ACSL3: variants seen among roughly 807,000 people sequenced by gnomAD.
The protein encoded by ACSL3 is acyl-CoA synthetase long chain family member 3.
A neutral mutation model predicts 84.7 loss-of-function variants in ACSL3; 34 were observed. That is an observed-to-expected ratio of 0.40 (90% CI 0.31 to 0.53). ACSL3 has a LOEUF of 0.53. Among genes scored for constraint, ACSL3 ranks in the 20% least tolerant of loss-of-function variants. The pLI, the probability that ACSL3 is intolerant of heterozygous loss-of-function variation, is 0.48. For synonymous variants in ACSL3, 315 were observed against 299.4 expected, an observed-to-expected ratio of 1.05 and a Z score of -0.54; for missense variants, 680 against 873.1, an observed-to-expected ratio of 0.78 and a Z score of 2.79.
Position 222,876,413 on chromosome 2 carries a change from C to T in ACSL3, c.-206-11417C>T, listed in dbSNP as rs117298234. Reference sequence around the variant, plus strand: ...CATGGCTCACTGCAGCCTCAACTTCCCCAGCTCAAGTGATCCTCCTACCTC... The same window carrying T: ...CATGGCTCACTGCAGCCTCAACTTCTCCAGCTCAAGTGATCCTCCTACCTC... On this transcript the variant is annotated intron_variant, in intron 1 of 16. Coordinates refer to ENST00000357430, the MANE Select transcript of ACSL3 (RefSeq NM_004457.5). 2.8e-3 allele frequency among the ~76,000 whole-genome samples: 423 copies of T among 152,206 alleles called. 15 individuals carry two copies. In the East Asian group the frequency reaches 0.072, roughly 26 times the overall value.
In ACSL3 at chr2:222,865,571, G is replaced by T. The variant is rs551971265; in HGVS notation, c.-207+4313G>T. On this transcript the variant is annotated intron_variant, in intron 1 of 16. Transcript: ENST00000357430. ...CAAATTACAGCATGGTGGAACAGAA[G>T]AAGGTATATGAGCAAATATATTACA... Among the ~76,000 whole-genome samples the T allele has an allele frequency of 2.0e-3, 298 of 152,332 alleles. 1 individual carries two copies. The highest frequency in any genetic ancestry group is 6.8e-3 in the African/African-American group (283 of 41,570).
rs1228158288 is a variant in ACSL3, at chr2:222,940,655, A to G, written c.2006-842A>G. Among the ~76,000 whole-genome samples the G allele has an allele frequency of 2.6e-5, 4 of 152,288 alleles. No individual in the cohort carries two copies. In the East Asian group the frequency reaches 7.7e-4, roughly 29 times the overall value. ...CACAAATACTTAACTATTGTGTTAC[A>G]ATTACCTATGGTATTCAGTACAATA... On this transcript the variant is annotated intron_variant, in intron 16 of 16. Transcript: ENST00000357430.
intron 1 of ACSL3, among the ~76,000 whole-genome samples, chr2:222,875,241 A>G (rs112539457): frequency 1.6e-4 from 24 of 151,620 alleles, no homozygotes; most frequent in African/African-American, 5.8e-4. Context: ...TGTCTCTCAA[A>G]GTTTTTATCA....
At chr2:222,929,915 G>A (rs1193362343) in intron 13 of ACSL3, among the ~76,000 whole-genome samples, 2 of 143,522 alleles carry the variant, frequency 1.4e-5, no homozygotes, top group Non-Finnish European at 3.0e-5. Context: ...TTAATATGTA[G>A]TAACTCACTT....
At chr2:222,907,327 G>A (rs1270641800) in intron 3 of ACSL3, among the ~76,000 whole-genome samples, 1 of 152,186 alleles carries the variant, frequency 6.6e-6, no homozygotes, top group African/African-American at 2.4e-5. Context: ...ACACTTGCCT[G>A]GAATAGAATT....
At chr2:222,924,666 CAATT>C in intron 11 of ACSL3, 71 bp downstream of exon 11, 1 of 1,344,406 alleles carries the variant, frequency 7.4e-7, no homozygotes, top group South Asian at 1.4e-5. Flanking sequence ...ATTAATAGCC[CAATT>C]AATTGAGATA....
At chr2:222,893,956 T>C (rs1242001378) in intron 2 of ACSL3, among the ~76,000 whole-genome samples, 1 of 152,114 alleles carries the variant, frequency 6.6e-6, no homozygotes, top group Admixed American at 6.6e-5. Context: ...TCAGCCTCCA[T>C]TGTAGCTGGG....
intron 14 of ACSL3, 150 bp downstream of exon 14, chr2:222,930,962 C>T (rs562282924): frequency 7.1e-5 from 47 of 666,552 alleles, no homozygotes; most frequent in African/African-American, 2.7e-4. Flanking sequence ...TAAAATATTA[C>T]GGACTGTGGA....
chr2:222,876,302 G>GT lies in ACSL3; in HGVS notation c.-206-11520dup, dbSNP rs543497576. ...AGCAAGAGCTAGTTATTGCTTTATG[G>GT]TTTTTTTTGTTGTTGTTGTTTGTTT... On this transcript the variant is annotated intron_variant, in intron 1 of 16. Coordinates refer to ENST00000357430, the MANE Select transcript of ACSL3 (RefSeq NM_004457.5). Among the ~76,000 whole-genome samples the GT allele has an allele frequency of 7.2e-3, 1,099 of 151,762 alleles. 10 individuals are homozygous for GT. Among genetic ancestry groups the GT allele is most frequent in the African/African-American group, 0.025 (1,054 of 41,410 alleles).
chr2:222,867,677 A>G (rs1197099185), intron 1 of ACSL3, among the ~76,000 whole-genome samples: 17 of 152,136 alleles, frequency 1.1e-4, no homozygotes, highest in Admixed American at 1.3e-4. Context: ...TCTATACCAT[A>G]TTTATTTCCC....
chr2:222,916,042 C>T (rs534117535), intron 4 of ACSL3, among the ~76,000 whole-genome samples: 5 of 152,120 alleles, frequency 3.3e-5, no homozygotes, highest in Admixed American at 6.5e-5. Flanking sequence ...TTGACCTTTA[C>T]GAGCCTATCA....
chr2:222,911,864 A>G (rs895976598), intron 4 of ACSL3, among the ~76,000 whole-genome samples: 1 of 152,270 alleles, frequency 6.6e-6, no homozygotes, highest in African/African-American at 2.4e-5. Context: ...TCAACAAAGT[A>G]TGAAGTATTT....
intron 4 of ACSL3, among the ~76,000 whole-genome samples, chr2:222,915,699 A>C (rs769292313): frequency 1.4e-4 from 22 of 152,244 alleles, no homozygotes; most frequent in Non-Finnish European, 2.6e-4. Context: ...GTAAGCATTT[A>C]AGGCTTGAAT....
chr2:222,894,187 C>T (rs900796846), intron 2 of ACSL3, among the ~76,000 whole-genome samples: 9 of 152,070 alleles, frequency 5.9e-5, no homozygotes, highest in Non-Finnish European at 1.2e-4. Flanking sequence ...GGTTAAGCTC[C>T]GTTACTTTAC....
chr2:222,901,231 G>A (rs1391783911), intron 3 of ACSL3, among the ~76,000 whole-genome samples: 1 of 152,194 alleles, frequency 6.6e-6, no homozygotes, highest in East Asian at 1.9e-4. Flanking sequence ...TGATCAATTT[G>A]AGTTAACTTT....
chr2:222,881,918 T>C (rs1695600116), intron 1 of ACSL3, among the ~76,000 whole-genome samples: 2 of 152,242 alleles, frequency 1.3e-5, no homozygotes, highest in African/African-American at 2.4e-5. Context: ...TGGTGAAGCA[T>C]CTTTTCACTC....
chr2:222,914,222 GGTGTGTGTGTAC>G (rs1187709301), intron 4 of ACSL3, among the ~76,000 whole-genome samples: 15 of 145,108 alleles, frequency 1.0e-4, no homozygotes, highest in African/African-American at 3.9e-4. Flanking sequence ...AAGGGTGGAA[GGTGTGTGTGTAC>G]GTGTGTGTGT....
At chr2:222,926,549 A>G (rs1015428689) in intron 11 of ACSL3, among the ~76,000 whole-genome samples, 3 of 152,222 alleles carry the variant, frequency 2.0e-5, no homozygotes, top group African/African-American at 7.2e-5. Context: ...TATTTTTAAC[A>G]AACAATTCAA....
chr2:222,889,973 T>C (rs1253246798), intron 2 of ACSL3, among the ~76,000 whole-genome samples: 1 of 152,164 alleles, frequency 6.6e-6, no homozygotes, highest in Admixed American at 6.5e-5. Context: ...AAGAAGAAAA[T>C]ATGTTGTAAA....
Sources: allele counts gnomAD v4.1 joint callset (sites outside exome capture counted in the v4.1 genomes callset), GRCh38; gene constraint gnomAD v4.1.1; transcripts MANE v1.5; gene names NCBI Gene and HGNC (gene_info 2026-07-23, HGNC 2026-07-21).